GCFC2: variants seen among roughly 807,000 people sequenced by gnomAD.
The protein encoded by GCFC2 is intron Large complex component GCFC2.
Under a neutral mutation model 99.4 loss-of-function variants are expected in GCFC2, and 102 were observed. The ratio of observed to expected loss-of-function variants is 1.03; its 90% CI spans 0.87 to 1.21. GCFC2 has a LOEUF of 1.21. Among genes scored for constraint, GCFC2 ranks in the 50% most tolerant of loss-of-function variants. The probability of loss-of-function intolerance (pLI) is 0.00; values close to 1 mark genes in which losing one functional copy is unlikely to be tolerated. For synonymous variants in GCFC2, 338 were observed against 316.8 expected, an observed-to-expected ratio of 1.07 and a Z score of -0.71; for missense variants, 973 against 920.9, an observed-to-expected ratio of 1.06 and a Z score of -0.73.
At chr2:75,711,753 C>G (rs536427111), upstream of GCFC2, among the ~76,000 whole-genome samples, 1 of 152,228 alleles carries the variant, frequency 6.6e-6, no homozygotes, top group Non-Finnish European at 1.5e-5. Context: ...GGTCCCCTAG[C>G]AGTGCCGGCC....
intron 10 of GCFC2, 23 bp from the exon 11 acceptor site, chr2:75,688,000 T>TATA: frequency 2.1e-6 from 3 of 1,459,204 alleles, no homozygotes; most frequent in Non-Finnish European, 2.8e-6. Flanking sequence ...ATTACAAAAG[T>TATA]TATAAAGAAA....
chr2:75,702,147 A>T, intron 3 of GCFC2, 52 bp downstream of exon 3: 1 of 1,558,570 alleles, frequency 6.4e-7, no homozygotes, highest in Non-Finnish European at 8.7e-7. Flanking sequence ...ATTCTCTCAT[A>T]TTATATTCTA....
intron 1 of GCFC2, among the ~76,000 whole-genome samples, chr2:75,710,104 T>C (rs1348431052): frequency 5.3e-5 from 8 of 152,178 alleles, no homozygotes; most frequent in Non-Finnish European, 1.5e-5. Flanking sequence ...TTTTTGCAAA[T>C]AACTGGTGAA....
chr2:75,685,085 G>T (rs573540332), intron 11 of GCFC2, among the ~76,000 whole-genome samples: 2 of 152,328 alleles, frequency 1.3e-5, no homozygotes, highest in African/African-American at 4.8e-5. Flanking sequence ...GGGTGGGATA[G>T]CATTAGGAGA....
chr2:75,702,847 T>C (rs1203587326), intron 2 of GCFC2, among the ~76,000 whole-genome samples: 2 of 152,124 alleles, frequency 1.3e-5, no homozygotes, highest in Non-Finnish European at 1.5e-5. Context: ...CCAGCCTGAC[T>C]TACCAAGTAA....
In GCFC2 at chr2:75,701,316, G is replaced by A. The variant is rs111266973; in HGVS notation, c.620-29C>T. On this transcript the variant is annotated intron_variant, in intron 3 of 16. Coordinates refer to ENST00000321027, the MANE Select transcript of GCFC2 (RefSeq NM_003203.5). ...GCGGAAAAAAAGCTCACATGTAAAC[G>A]TTTAGTATTTTTCCATTTTAATTGC... 708 of 1,333,910 alleles carry A rather than the reference G, an allele frequency of 5.3e-4. 3 individuals carry two copies. The African/African-American group carries it at 8.6e-3, about 16-fold the overall frequency. 82.6% of individuals were successfully genotyped at this position (1,333,910 alleles called of 1,614,324 possible).
chr2:75,672,186 ATATATATT>A (rs1028056625), intron 13 of GCFC2, among the ~76,000 whole-genome samples, 170 bp from the exon 14 acceptor site: 4 of 145,260 alleles, frequency 2.8e-5, no homozygotes, highest in African/African-American at 7.5e-5. Context: ...TATTTATAAA[ATATATATT>A]TATATATTTA....
intron 12 of GCFC2, among the ~76,000 whole-genome samples, chr2:75,673,876 T>C (rs1473829376): frequency 6.6e-6 from 1 of 152,220 alleles, no homozygotes; most frequent in Admixed American, 6.5e-5. Flanking sequence ...ATGGAATGGC[T>C]GGAGTACAGT....
intron 12 of GCFC2, among the ~76,000 whole-genome samples, chr2:75,678,967 T>A (rs1054828090): frequency 3.3e-5 from 5 of 152,214 alleles, no homozygotes; most frequent in Non-Finnish European, 5.9e-5. Context: ...AGCACTCAGA[T>A]ATACAGGCGT....
chr2:75,667,244 G>T lies in GCFC2; in HGVS notation c.2104-1191C>A, dbSNP rs566456192. ...ACTTTCATTAACGTTATAGTAACGGGTTCTTGGAAACTGATCGTTCTGTTT... is the reference window on the plus strand; with the variant it reads ...ACTTTCATTAACGTTATAGTAACGGTTTCTTGGAAACTGATCGTTCTGTTT... On this transcript the variant is annotated intron_variant, in intron 15 of 16. Transcript: ENST00000321027. 7.9e-4 allele frequency among the ~76,000 whole-genome samples: 120 copies of T among 152,174 alleles called. 1 individual carries two copies. The highest frequency in any genetic ancestry group is 3.4e-3 in the Middle Eastern group (1 of 294).
Position 75,701,303 on chromosome 2 carries a change from C to G in GCFC2, c.620-16G>C, listed in dbSNP as rs1042786244. The G allele has an allele frequency of 6.9e-7, 1 of 1,455,422 alleles. No individual in the cohort carries two copies. Among genetic ancestry groups the G allele is most frequent in the Non-Finnish European group, 9.6e-7 (1 of 1,036,736 alleles). 90.2% of individuals were successfully genotyped at this position (1,455,422 alleles called of 1,614,324 possible). ...TTTCTGCTTACTAGCGGAAAAAAAG[C>G]TCACATGTAAACGTTTAGTATTTTT... On this transcript the variant is annotated splice_polypyrimidine_tract_variant and intron_variant, in intron 3 of 16. Transcript: ENST00000321027.
intron 11 of GCFC2, among the ~76,000 whole-genome samples, chr2:75,683,112 C>T (rs905611714): frequency 2.0e-5 from 3 of 151,644 alleles, no homozygotes; most frequent in South Asian, 2.1e-4. Context: ...AGATACTCCT[C>T]GAGAAGAGCA....
rs796591915 is a variant in GCFC2 at position 75,667,530 on chromosome 2, G to GA, written c.2104-1478dup. Among the ~76,000 whole-genome samples the GA allele has an allele frequency of 7.9e-5, 12 of 151,964 alleles. 1 individual carries two copies. The highest frequency in any genetic ancestry group is 2.7e-4 in the African/African-American group (11 of 41,252). ...TTAATCACCTGTTTCAACTATTCAG[G>GA]AAAAATACTGACACACTGACTGCCT... On this transcript the variant is annotated intron_variant, in intron 15 of 16. Coordinates refer to ENST00000321027, the MANE Select transcript of GCFC2 (RefSeq NM_003203.5).
At chr2:75,703,371 T>C (rs1680695187) in intron 2 of GCFC2, among the ~76,000 whole-genome samples, 1 of 152,186 alleles carries the variant, frequency 6.6e-6, no homozygotes, top group Admixed American at 6.5e-5. Flanking sequence ...AAATGCCATG[T>C]ACTTGGAGAT....
At chr2:75,692,493 A>C (rs1680128118) in intron 6 of GCFC2, among the ~76,000 whole-genome samples, 1 of 152,070 alleles carries the variant, frequency 6.6e-6, no homozygotes, top group Non-Finnish European at 1.5e-5. Context: ...CTAACAGTAC[A>C]AAAATTAGCC....
intron 9 of GCFC2, 47 bp downstream of exon 9, chr2:75,689,922 C>A: frequency 2.1e-6 from 2 of 971,144 alleles, no homozygotes; most frequent in Non-Finnish European, 3.2e-6. Flanking sequence ...GTGTTTCTCA[C>A]CATTTCAAAA....
chr2:75,705,345 C>G (rs150096746), intron 2 of GCFC2, among the ~76,000 whole-genome samples: 1 of 151,902 alleles, frequency 6.6e-6, no homozygotes, highest in Non-Finnish European at 1.5e-5. Context: ...CACTTATGGC[C>G]GGGCGTGGTG....
At chr2:75,701,073 G>A (rs1440928857) in intron 4 of GCFC2, 117 bp downstream of exon 4, 1 of 635,688 alleles carries the variant, frequency 1.6e-6, no homozygotes. Context: ...CTTGACTTCA[G>A]ATTTTGGCCT....
At position 75,710,750 on chromosome 2, in the gene GCFC2, G is replaced by T; in HGVS notation, c.106C>A (p.Pro36Thr). ...PAEPGAPRELPVPGSAEEEPP... is the reference protein window; with the variant it reads ...PAEPGAPRELTVPGSAEEEPP... ...TCTTCCTCCGCAGAACCCGGGACCG[G>T]AAGTTCCCTCGGCGCCCCAGGCTCA... is the stretch of plus-strand genomic sequence containing the variant. Residue 36 changes from proline (P) to threonine (T), a missense_variant, in exon 1 of 17, where the codon CCG becomes ACG. By Grantham distance (38) the Pro-to-Thr change is conservative. Transcript: ENST00000321027. The T allele has an allele frequency of 6.4e-7, 1 of 1,566,208 alleles. No homozygotes were observed.
Sources: gnomAD v4.1 joint callset for allele counts (sites outside exome capture counted in the v4.1 genomes callset) on GRCh38, gnomAD v4.1.1 for gene constraint, MANE v1.5 for transcripts, NCBI Gene and HGNC (gene_info 2026-07-23, HGNC 2026-07-21) for gene names.